The following VPS39 variants were observed in gnomAD, a reference collection of about 807,000 sequenced individuals.
The protein encoded by VPS39 is VPS39 subunit of HOPS complex, also known as vam6/Vps39-like protein.
Under a neutral mutation model 121.0 loss-of-function variants are expected in VPS39, and 70 were observed. The observed-to-expected ratio is 0.58, with a 90% CI of 0.48 to 0.71. VPS39 has a LOEUF of 0.71. Ranked by LOEUF, VPS39 falls within the 30% of genes least tolerant of loss-of-function variation. The probability of loss-of-function intolerance (pLI) is 0.00; values close to 1 mark genes in which losing one functional copy is unlikely to be tolerated. For missense variants in VPS39, 818 were observed against 1,051.5 expected (o/e 0.78, Z 3.07); for synonymous variants, 378 against 398.1 (o/e 0.95, Z 0.60).
At chr15:42,191,957 G>T in intron 2 of VPS39, 2 of 1,332,096 alleles carry the variant, frequency 1.5e-6, no homozygotes, top group South Asian at 1.3e-5. Context: ...CTTAGATCTA[G>T]ACCAACTAAT....
At chr15:42,199,479 A>AC in intron 2 of VPS39, 1 of 398,690 alleles carries the variant, frequency 2.5e-6, no homozygotes, top group Non-Finnish European at 4.9e-6. Context: ...TTCTTGTTCT[A>AC]CCCCTCATAA....
intron 17 of VPS39, 160 bp from the exon 18 acceptor site, chr15:42,165,273 A>G: frequency 1.5e-6 from 1 of 658,206 alleles, no homozygotes; most frequent in Non-Finnish European, 2.6e-6. Context: ...GCCACCAGGA[A>G]GTTTCACAAT....
intron 2 of VPS39, among the ~76,000 whole-genome samples, chr15:42,199,360 C>A (rs916394183): frequency 6.6e-6 from 1 of 152,106 alleles, no homozygotes; most frequent in African/African-American, 2.4e-5. Context: ...GCATCCACCC[C>A]AACAACTTTG....
chr15:42,198,589 C>A (rs1031157992), intron 2 of VPS39, among the ~76,000 whole-genome samples: 2 of 152,220 alleles, frequency 1.3e-5, no homozygotes, highest in Admixed American at 6.5e-5. Flanking sequence ...ATTCCTCCTA[C>A]TTCAGTCTCC....
At chr15:42,187,424 C>T in intron 6 of VPS39, 61 bp from the exon 7 acceptor site, 1 of 1,469,110 alleles carries the variant, frequency 6.8e-7, no homozygotes, top group East Asian at 2.4e-5. Flanking sequence ...TCATGACTTT[C>T]CTGTTATTCT....
At chr15:42,207,929 C>T (rs2050209124) in intron 1 of VPS39, 152 bp downstream of exon 1, 3 of 780,592 alleles carry the variant, frequency 3.8e-6, no homozygotes, top group Non-Finnish European at 6.1e-6. Flanking sequence ...AGCCGGTGGT[C>T]ATCTCTCTGC....
In VPS39 at chr15:42,165,735, G is replaced by C. The variant is rs371879544; in HGVS notation, c.1762C>G (p.Leu588Val). ...LGFLIENFKG[L>V]AIPYLEHIIH... ...TACCTTACCAGATAAGGAATAGCCA[G>C]ACCCTTAAAATTCTCTATTAAGAAG... The change falls in exon 17 of 25, where the codon CTG becomes GTG. Residue 588 changes from leucine to valine, a missense_variant. Leu to Val is a conservative substitution (Grantham distance 32). Coordinates refer to ENST00000318006, the MANE Select transcript of VPS39 (RefSeq NM_015289.5). The C allele has an allele frequency of 1.2e-6, 2 of 1,613,960 alleles. No homozygotes were observed. Among genetic ancestry groups the C allele is most frequent in the Non-Finnish European group, 1.7e-6 (2 of 1,179,978 alleles).
Position 42,182,910 on chromosome 15 carries a change from T to C in VPS39, c.718+1607A>G, listed in dbSNP as rs2140866099. On this transcript the variant is annotated intron_variant, in intron 8 of 24. Transcript: ENST00000318006. ...TGCCTCTTAAACTCATCTACCAAAG[T>C]TCCTCTTCTGAAGGGAAAACAAGGT... Among the ~76,000 whole-genome samples, 3 of 152,246 alleles carry C rather than the reference T, an allele frequency of 2.0e-5. 1 individual carries two copies. The South Asian group carries it at 6.2e-4, about 32-fold the overall frequency.
intron 1 of VPS39, among the ~76,000 whole-genome samples, chr15:42,206,582 C>T (rs1050568146): frequency 6.6e-6 from 1 of 152,166 alleles, no homozygotes; most frequent in African/African-American, 2.4e-5. Context: ...AGGATTCTGA[C>T]GAGCTAAGTC....
intron 2 of VPS39, 102 bp downstream of exon 2, chr15:42,199,794 A>C (rs1178821644): frequency 3.8e-6 from 5 of 1,317,750 alleles, no homozygotes; most frequent in Non-Finnish European, 5.1e-6. Flanking sequence ...GCTCCCTCTA[A>C]CCTTCAATCT....
intron 20 of VPS39, 65 bp from the exon 21 acceptor site, chr15:42,163,460 C>T (rs1228224250): frequency 1.7e-5 from 27 of 1,602,432 alleles, no homozygotes; most frequent in East Asian, 1.6e-4. Flanking sequence ...AGAGGCTGTG[C>T]GTGCAGCCTG....
chr15:42,182,650 C>T (rs568015166), intron 8 of VPS39, among the ~76,000 whole-genome samples: 30 of 152,334 alleles, frequency 2.0e-4, no homozygotes, highest in African/African-American at 6.3e-4. Flanking sequence ...AGATCGCTCA[C>T]GTGTGACAAG....
chr15:42,200,443 A>C (rs981969864), intron 1 of VPS39, among the ~76,000 whole-genome samples: 1 of 152,236 alleles, frequency 6.6e-6, no homozygotes, highest in African/African-American at 2.4e-5. Context: ...CAGCAATAAT[A>C]GCTAAGAGGC....
Position 42,189,163 on chromosome 15 carries a change from G to A in VPS39, c.293C>T (p.Thr98Ile), listed in dbSNP as rs2049769097. The change falls in exon 5 of 25, where the codon ACT becomes ATT. Residue 98 changes from threonine to isoleucine, a missense_variant. Coordinates refer to ENST00000318006, the MANE Select transcript of VPS39 (RefSeq NM_015289.5). ...VHDLLTFQQI[T>I]TVSKAKGASL... ...TGCTCCCTTTGCCTTTGAAACCGTA[G>A]TGATTTGTTGAAATGTCAATAGGTC... is the stretch of plus-strand genomic sequence containing the variant. 1.2e-6 allele frequency: 2 copies of A among 1,613,922 alleles called. No individual in the cohort carries two copies. Among genetic ancestry groups the A allele is most frequent in the South Asian group, 1.1e-5 (1 of 91,078 alleles).
chr15:42,180,284 A>C (rs1005100939), intron 8 of VPS39, among the ~76,000 whole-genome samples: 1 of 152,200 alleles, frequency 6.6e-6, no homozygotes, highest in Non-Finnish European at 1.5e-5. Context: ...TCTAAAAAAA[A>C]ACCTTTCATT....
At chr15:42,200,883 A>G (rs988844586) in intron 1 of VPS39, among the ~76,000 whole-genome samples, 3 of 152,218 alleles carry the variant, frequency 2.0e-5, no homozygotes, top group Non-Finnish European at 4.4e-5. Flanking sequence ...AAAAGAAAGG[A>G]AGTATGGATA....
intron 10 of VPS39, among the ~76,000 whole-genome samples, chr15:42,177,299 G>C (rs2049474399): frequency 6.6e-6 from 1 of 151,314 alleles, no homozygotes. Context: ...CCCTACAGAT[G>C]ACAATAATCA....
intron 18 of VPS39, 154 bp from the exon 19 acceptor site, chr15:42,164,640 G>C: frequency 6.9e-7 from 1 of 1,441,914 alleles, no homozygotes; most frequent in Non-Finnish European, 9.0e-7. Flanking sequence ...TTAGTTCATA[G>C]TCTCCATGTG....
intron 8 of VPS39, among the ~76,000 whole-genome samples, chr15:42,180,126 C>T (rs1249562924): frequency 6.8e-6 from 1 of 147,838 alleles, no homozygotes; most frequent in African/African-American, 2.6e-5. Context: ...TATAAATTAC[C>T]TAGTCTGTGG....
Sources: allele counts gnomAD v4.1 joint callset (sites outside exome capture counted in the v4.1 genomes callset), GRCh38; gene constraint gnomAD v4.1.1; transcripts MANE v1.5; gene names NCBI Gene and HGNC (gene_info 2026-07-23, HGNC 2026-07-21).